The following FAM210A variants were observed in gnomAD, a reference collection of about 807,000 sequenced individuals.
FAM210A encodes the protein mitochondrial inner membrane scaffold 1.
In FAM210A, 13 loss-of-function variants were observed where a neutral mutation model predicts 25.3. The ratio of observed to expected loss-of-function variants is 0.51; its 90% CI spans 0.33 to 0.82. The LOEUF is 0.82. FAM210A is among the 40% of genes least tolerant of loss of function. The pLI, the probability that FAM210A is intolerant of heterozygous loss-of-function variation, is 0.02. For synonymous variants in FAM210A, 125 were observed against 118.7 expected (o/e 1.05, Z -0.35); for missense variants, 319 against 323.2 (o/e 0.99, Z 0.10).
intron 2 of FAM210A, among the ~76,000 whole-genome samples, chr18:13,680,815 T>A (rs536836371): frequency 6.6e-6 from 1 of 152,220 alleles, no homozygotes; most frequent in Non-Finnish European, 1.5e-5. Context: ...GTGGCAGAAA[T>A]GGGAAATCAC....
At chr18:13,669,821 G>A (rs2043427911) in intron 3 of FAM210A, among the ~76,000 whole-genome samples, 1 of 152,074 alleles carries the variant, frequency 6.6e-6, no homozygotes, top group Admixed American at 6.6e-5. Context: ...AGATTATGAG[G>A]CAGTCAGTGA....
At chr18:13,670,502 A>G (rs1786523) in intron 3 of FAM210A, among the ~76,000 whole-genome samples, 9,061 of 152,242 alleles carry the variant, frequency 0.06, 914 homozygotes, top group African/African-American at 0.21. Flanking sequence ...GTAAAACTGT[A>G]ATTCTTAGAT....
intron 1 of FAM210A, among the ~76,000 whole-genome samples, chr18:13,702,446 T>G (rs550957977): frequency 5.9e-5 from 9 of 152,300 alleles, no homozygotes; most frequent in East Asian, 1.9e-4. Flanking sequence ...AGTAACGAAC[T>G]TTGCTGCAGG....
intron 1 of FAM210A, among the ~76,000 whole-genome samples, chr18:13,717,279 T>C (rs1341634654): frequency 1.3e-5 from 2 of 152,222 alleles, no homozygotes; most frequent in African/African-American, 4.8e-5. Flanking sequence ...CCGAGATTAG[T>C]GCCACCTGTC....
At chr18:13,686,905 T>C (rs1342591843) in intron 1 of FAM210A, among the ~76,000 whole-genome samples, 1 of 152,140 alleles carries the variant, frequency 6.6e-6, no homozygotes, top group African/African-American at 2.4e-5. Flanking sequence ...ACTAACTCAT[T>C]CCATGAGGCC....
At chr18:13,721,879 C>G (rs2043900311) in intron 1 of FAM210A, among the ~76,000 whole-genome samples, 1 of 152,132 alleles carries the variant, frequency 6.6e-6, no homozygotes, top group African/African-American at 2.4e-5. Flanking sequence ...ATTTCCTCTT[C>G]TCCAGTGCAC....
chr18:13,704,956 C>A (rs1191287763), intron 1 of FAM210A, among the ~76,000 whole-genome samples: 1 of 152,114 alleles, frequency 6.6e-6, no homozygotes, highest in Middle Eastern at 3.2e-3. Flanking sequence ...AATATGGTGT[C>A]TTTTAGGAGA....
intron 1 of FAM210A, among the ~76,000 whole-genome samples, chr18:13,699,356 T>C (rs1327236045): frequency 1.3e-5 from 2 of 152,128 alleles, no homozygotes; most frequent in East Asian, 1.9e-4. Context: ...ATGAAGCCAC[T>C]GCCAAATTCT....
At chr18:13,701,473 AT>A (rs59183167) in intron 1 of FAM210A, among the ~76,000 whole-genome samples, 9,146 of 152,192 alleles carry the variant, frequency 0.06, 930 homozygotes, top group African/African-American at 0.21. Flanking sequence ...ATTTGCAAGG[AT>A]TTTTGTGTTC....
intron 2 of FAM210A, among the ~76,000 whole-genome samples, chr18:13,680,927 C>A (rs1014278242): frequency 5.9e-5 from 9 of 152,166 alleles, no homozygotes; most frequent in African/African-American, 2.2e-4. Flanking sequence ...TGTTTCAAAA[C>A]ACTGGGAGGC....
rs903367818 is a variant in FAM210A, at chr18:13,726,430, A to C, written c.-130T>G. 6.6e-6 allele frequency: 1 copy of C among 152,434 alleles called. No homozygotes were observed. The highest frequency in any genetic ancestry group is 1.5e-5 in the Non-Finnish European group (1 of 68,176). The allele number at this position is 152,434 out of a possible 1,614,324, so 9.4% of individuals were successfully genotyped here. A position where few individuals can be genotyped will look rare whatever the true frequency, so the allele number is the denominator to read the frequency against. ...TGTCACTCAGCAGAGCAGCCCGACAAAGCGTGGGTCCGCGTGCAGGAACCC... is the reference window on the plus strand; with the variant it reads ...TGTCACTCAGCAGAGCAGCCCGACACAGCGTGGGTCCGCGTGCAGGAACCC... On this transcript the variant is annotated 5_prime_UTR_variant, in exon 1 of 4. Coordinates refer to ENST00000651643, the MANE Select transcript of FAM210A (RefSeq NM_152352.4).
Position 13,666,661 on chromosome 18 carries a change from A to G in FAM210A, c.638T>C (p.Val213Ala), listed in dbSNP as rs1287976989. 1 of 1,614,040 alleles carries G rather than the reference A, an allele frequency of 6.2e-7. No homozygotes were observed. Among genetic ancestry groups the G allele is most frequent in the Non-Finnish European group, 8.5e-7 (1 of 1,180,034 alleles). ...TVTLGGTSVT[V>A]KYLRSHGYMS... ...GTAGCCATGACTGCGCAGATACTTC[A>G]CAGTGACAGATGTTCCTCCCAAAGT... The change falls in exon 4 of 4, where the codon GTG (valine) becomes GCG (alanine). Residue 213 changes from valine (V) to alanine (A), a missense_variant. Coordinates refer to ENST00000651643, the MANE Select transcript of FAM210A (RefSeq NM_152352.4).
intron 1 of FAM210A, among the ~76,000 whole-genome samples, chr18:13,722,293 T>G (rs1205155630): frequency 6.6e-6 from 1 of 151,308 alleles, no homozygotes; most frequent in African/African-American, 2.4e-5. Flanking sequence ...ACATAGCCCC[T>G]GCCATCCTAG....
rs112784437 is a variant in FAM210A at position 13,703,718 on chromosome 18, C to A, written c.-28-21613G>T. ...ATATGTGTTGTGTGTATAGCGTTTA[C>A]GTAAAAAAGCTCTAATTAATTGGCT... On this transcript the variant is annotated intron_variant, in intron 1 of 3. Transcript: ENST00000651643. Among the ~76,000 whole-genome samples, 15 of 152,176 alleles carry A rather than the reference C, an allele frequency of 9.9e-5. No homozygotes were observed. The East Asian group carries it at 2.5e-3, about 25-fold the overall frequency.
intron 1 of FAM210A, among the ~76,000 whole-genome samples, chr18:13,688,997 G>T (rs1452845316): frequency 2.6e-5 from 4 of 152,232 alleles, no homozygotes; most frequent in Admixed American, 2.6e-4. Context: ...CTCCCGTGAG[G>T]GGTTGAGCGG....
In FAM210A at chr18:13,698,351, C is replaced by CAAA. The variant is rs11464991; in HGVS notation, c.-28-16249_-28-16247dup. The stretch of plus-strand genomic sequence containing the variant: ...TGGGTGACAGAGTGAGACTCCATCT[C>CAAA]AAAAAAAAAAAAAAAAAAAAATAAG... On this transcript the variant is annotated intron_variant, in intron 1 of 3. Coordinates refer to ENST00000651643, the MANE Select transcript of FAM210A (RefSeq NM_152352.4). Among the ~76,000 whole-genome samples, 519 of 72,522 alleles carry CAAA rather than the reference C, an allele frequency of 7.2e-3. 17 individuals carry two copies. The highest frequency in any genetic ancestry group is 0.015 in the Middle Eastern group (2 of 132). 47.6% of individuals were successfully genotyped at this position (72,522 alleles called of 152,430 possible). A position where few individuals can be genotyped will look rare whatever the true frequency, so the allele number is the denominator to read the frequency against.
chr18:13,711,653 G>C (rs2043822869), intron 1 of FAM210A, among the ~76,000 whole-genome samples: 2 of 152,038 alleles, frequency 1.3e-5, no homozygotes, highest in Non-Finnish European at 2.9e-5. Context: ...CCTGGTCTTG[G>C]TAATAGACTC....
rs548465816 is a variant in FAM210A, at chr18:13,701,864, T to C, written c.-28-19759A>G. ...GATAAGTTATGGGGTACATTTTACT[T>C]GAGTAAAGGATGGAACTGGGTTAGA... is the stretch of plus-strand genomic sequence containing the variant. On this transcript the variant is annotated intron_variant, in intron 1 of 3. Coordinates refer to ENST00000651643, the MANE Select transcript of FAM210A (RefSeq NM_152352.4). Among the ~76,000 whole-genome samples the C allele has an allele frequency of 1.2e-4, 19 of 152,290 alleles. No homozygotes were observed. The East Asian group carries it at 2.9e-3, about 23-fold the overall frequency.
At chr18:13,680,451 A>C (rs918419757) in intron 2 of FAM210A, among the ~76,000 whole-genome samples, 23 of 152,230 alleles carry the variant, frequency 1.5e-4, no homozygotes, top group East Asian at 7.7e-4. Context: ...ACAAAGTGAA[A>C]CAGAACAGCA....
Sources: gnomAD v4.1 joint callset for allele counts (sites outside exome capture counted in the v4.1 genomes callset) on GRCh38, gnomAD v4.1.1 for gene constraint, MANE v1.5 for transcripts, NCBI Gene and HGNC (gene_info 2026-07-23, HGNC 2026-07-21) for gene names.